The following DENND1A variants were observed in gnomAD, a reference collection of about 807,000 sequenced individuals.
DENND1A encodes DENN domain-containing protein 1A.
A neutral mutation model predicts 113.7 loss-of-function variants in DENND1A; 51 were observed. The ratio of observed to expected loss-of-function variants is 0.45; its 90% confidence interval spans 0.36 to 0.57. DENND1A has a LOEUF of 0.57. Ranked by LOEUF, DENND1A falls within the 20% of genes least tolerant of loss-of-function variation. DENND1A has a pLI of 0.00. For synonymous variants in DENND1A, 565 were observed against 570.8 expected (o/e 0.99, Z 0.14); for missense variants, 1,258 against 1,395.9 (o/e 0.90, Z 1.57).
chr9:123,766,846 G>A (rs1828904683), intron 4 of DENND1A, among the ~76,000 whole-genome samples: 2 of 152,148 alleles, frequency 1.3e-5, no homozygotes, highest in Non-Finnish European at 1.5e-5. Context: ...AACAACACAC[G>A]AGACAGCAAG....
At chr9:123,679,936 T>C (rs2064332786) in intron 5 of DENND1A, among the ~76,000 whole-genome samples, 1 of 152,030 alleles carries the variant, frequency 6.6e-6, no homozygotes, top group South Asian at 2.1e-4. Context: ...GAGTCCCCAC[T>C]GCGGAGTACC....
intron 13 of DENND1A, among the ~76,000 whole-genome samples, chr9:123,546,571 T>G (rs1186560245): frequency 1.3e-5 from 2 of 151,604 alleles, no homozygotes; most frequent in East Asian, 3.9e-4. Context: ...AAACAACAAC[T>G]AAGTATCTCT....
chr9:123,838,110 A>G (rs147801764), intron 2 of DENND1A, among the ~76,000 whole-genome samples: 50 of 152,230 alleles, frequency 3.3e-4, no homozygotes, highest in Non-Finnish European at 6.6e-4. Flanking sequence ...ACACAACCTA[A>G]CCATTAACCT....
rs940040328 is a variant in DENND1A, at chr9:123,454,789, G to A, written c.1187-10C>T. 2 of 1,552,478 alleles carry A rather than the reference G, an allele frequency of 1.3e-6. No homozygotes were observed. The highest frequency in any genetic ancestry group is 1.7e-6 in the Non-Finnish European group (2 of 1,147,106). ...TACAGTTTGTCACTGCCTGGGGAAA[G>A]AGAATTCAGAGAAGCTGTCACTTAA... On this transcript the variant is annotated splice_polypyrimidine_tract_variant and intron_variant, in intron 15 of 23. Coordinates refer to ENST00000394215, the MANE Select transcript of DENND1A (RefSeq NM_001352964.2).
At chr9:123,520,052 T>C (rs1472203341) in intron 13 of DENND1A, among the ~76,000 whole-genome samples, 2 of 142,650 alleles carry the variant, frequency 1.4e-5, no homozygotes, top group Admixed American at 1.5e-4. Context: ...CCCAATTACA[T>C]GGGAGGCAGA....
At chr9:123,689,657 T>A (rs983825364) in intron 5 of DENND1A, among the ~76,000 whole-genome samples, 1 of 152,028 alleles carries the variant, frequency 6.6e-6, no homozygotes, top group Non-Finnish European at 1.5e-5. Flanking sequence ...TATGGGAAAA[T>A]GTCCATAAAA....
Position 123,652,031 on chromosome 9 carries a change from A to G in DENND1A, c.600T>C (p.Ile200=). 6.2e-7 allele frequency: 1 copy of G among 1,614,152 alleles called. No homozygotes were observed. Among genetic ancestry groups the G allele is most frequent in the South Asian group, 1.1e-5 (1 of 91,082 alleles). ...TACTCACAGTGCTGAGTTTGCTGCAAATGATGAGTATCCGGCGTTCGTACA... is the reference window on the plus strand; with the variant it reads ...TACTCACAGTGCTGAGTTTGCTGCAGATGATGAGTATCCGGCGTTCGTACA... ...SMLYERRILI[I]CSKLSTLTAC... The change falls in exon 9 of 24, where the codon ATT becomes ATC. Residue 200 remains isoleucine, a synonymous_variant. Transcript: ENST00000394215.
intron 22 of DENND1A, among the ~76,000 whole-genome samples, chr9:123,384,935 G>A (rs1331652727): frequency 1.3e-5 from 2 of 152,072 alleles, no homozygotes; most frequent in African/African-American, 4.8e-5. Flanking sequence ...GCGACAGAGC[G>A]AGACCCTGTC....
chr9:123,883,359 T>G (rs1848576986), intron 1 of DENND1A, among the ~76,000 whole-genome samples: 2 of 152,198 alleles, frequency 1.3e-5, no homozygotes, highest in African/African-American at 4.8e-5. Context: ...GCATAAAGAA[T>G]AGAGTTGCCT....
intron 11 of DENND1A, among the ~76,000 whole-genome samples, chr9:123,598,484 C>T (rs2059801226): frequency 6.7e-6 from 1 of 149,468 alleles, no homozygotes; most frequent in Admixed American, 6.6e-5. Context: ...AAAACCAACC[C>T]CAAAGTCCCA....
chr9:123,437,914 T>C (rs2046645158), intron 19 of DENND1A: 1 of 152,202 alleles, frequency 6.6e-6, no homozygotes, highest in African/African-American at 2.4e-5. Context: ...ACACTTAAAA[T>C]TGTTTTATAT....
At chr9:123,492,043 C>A (rs1426972791) in intron 13 of DENND1A, 1 of 152,244 alleles carries the variant, frequency 6.6e-6, no homozygotes, top group African/African-American at 2.4e-5. Flanking sequence ...ATGAATTCTA[C>A]ATAGAAAGCC....
At chr9:123,456,987 A>C (rs1302711100) in intron 15 of DENND1A, 2 of 206,938 alleles carry the variant, frequency 9.7e-6, no homozygotes, top group African/African-American at 4.7e-5. Context: ...CTTTAGCTAC[A>C]GAAGGGGAAA....
chr9:123,763,289 T>G (rs1020690599), intron 4 of DENND1A, among the ~76,000 whole-genome samples: 1 of 152,116 alleles, frequency 6.6e-6, no homozygotes, highest in Admixed American at 6.6e-5. Flanking sequence ...TTAACTCATG[T>G]AGGGAGAGTA....
intron 5 of DENND1A, among the ~76,000 whole-genome samples, chr9:123,741,276 C>G (rs2068998380): frequency 6.6e-6 from 1 of 152,138 alleles, no homozygotes; most frequent in Admixed American, 6.5e-5. Context: ...TCTACTCCAA[C>G]AACCAAAATT....
Position 123,655,728 on chromosome 9 carries a change from C to T in DENND1A, c.508-3605G>A, listed in dbSNP as rs1322774854. ...TAAGATCAGAGGATAGAAGGGAGGA[C>T]TTCCGCGGCAGGCTGTCCTCAGTCA... On this transcript the variant is annotated intron_variant, in intron 8 of 23. Transcript: ENST00000394215. Among the ~76,000 whole-genome samples the T allele has an allele frequency of 2.0e-5, 3 of 152,196 alleles. No individual in the cohort carries two copies. The South Asian group carries it at 6.2e-4, about 32-fold the overall frequency.
At chr9:123,662,647 G>A (rs972405885) in intron 8 of DENND1A, among the ~76,000 whole-genome samples, 3 of 152,128 alleles carry the variant, frequency 2.0e-5, no homozygotes, top group South Asian at 2.1e-4. Context: ...AACTACTGGC[G>A]CATGTCTCAC....
At chr9:123,773,505 G>T (rs1487497463) in intron 3 of DENND1A, among the ~76,000 whole-genome samples, 4 of 152,096 alleles carry the variant, frequency 2.6e-5, no homozygotes, top group African/African-American at 9.7e-5. Context: ...ATCCATTATA[G>T]AATCCTATCT....
chr9:123,598,558 CA>C (rs2059804033), intron 11 of DENND1A, among the ~76,000 whole-genome samples: 1 of 150,160 alleles, frequency 6.7e-6, no homozygotes. Context: ...AAAATCTAAA[CA>C]ATTTTTGGAA....
Sources: gnomAD v4.1 joint callset for allele counts (sites outside exome capture counted in the v4.1 genomes callset) on GRCh38, gnomAD v4.1.1 for gene constraint, MANE v1.5 for transcripts, NCBI Gene and HGNC (gene_info 2026-07-23, HGNC 2026-07-21) for gene names.